Variants in TMEM164 observed in about 807,000 individuals in gnomAD.
TMEM164 encodes transmembrane protein 164, also known as RP13-360B22.2.
Under a neutral mutation model 18.8 loss-of-function variants are expected in TMEM164, and 4 were observed. The observed-to-expected ratio is 0.21, with a 90% confidence interval of 0.10 to 0.49. The LOEUF is 0.49. Ranked by LOEUF, TMEM164 falls within the 20% of genes least tolerant of loss-of-function variation. The pLI, the probability that TMEM164 is intolerant of heterozygous loss-of-function variation, is 0.98. For missense variants in TMEM164, 108 were observed against 239.9 expected, an observed-to-expected ratio of 0.45 and a Z score of 3.63; for synonymous variants, 86 against 101.7, an observed-to-expected ratio of 0.85 and a Z score of 0.93.
rs928291627 is a variant in TMEM164, at chrX:110,045,702, A to C, written c.391-21645A>C. 3.6e-5 allele frequency among the ~76,000 whole-genome samples: 4 copies of C among 112,031 alleles called. No individual in the cohort carries two copies. In the Admixed American group the frequency reaches 3.8e-4, roughly 11 times the overall value. ...AGGAAATTAGAATTGGGAAGCTGAG[A>C]GCCTAAGGCAGTTTGTAACGGAAAA... On this transcript the variant is annotated intron_variant, in intron 2 of 6. Coordinates refer to ENST00000372068, the MANE Select transcript of TMEM164 (RefSeq NM_032227.4).
chrX:110,033,703 T>TTC (rs1934627877), intron 2 of TMEM164, among the ~76,000 whole-genome samples: 1 of 111,311 alleles, frequency 9.0e-6, no homozygotes, highest in Non-Finnish European at 1.9e-5. Context: ...TGAGGGTGGG[T>TTC]AGATCTAAGG....
intron 2 of TMEM164, among the ~76,000 whole-genome samples, chrX:110,023,519 G>T (rs940125617): frequency 3.6e-5 from 4 of 110,978 alleles, no homozygotes; most frequent in African/African-American, 1.3e-4. Flanking sequence ...GAAGGTTCAG[G>T]TATAATTCAA....
rs1385935098 is a variant in TMEM164, at chrX:110,175,183, G to A, written c.*1732G>A. 8.9e-6 allele frequency: 1 copy of A among 112,807 alleles called. No homozygotes were observed. Among genetic ancestry groups the A allele is most frequent in the Non-Finnish European group, 1.9e-5 (1 of 53,254 alleles). 9.3% of individuals were successfully genotyped at this position (112,807 alleles called of 1,213,427 possible). A position where few individuals can be genotyped will look rare whatever the true frequency, so the allele number is the denominator to read the frequency against. ...CTTTTCTTAGTGCCTCTCACCTTAG[G>A]GTGGCCCTCCAGGGAAGGTGCTCCT... On this transcript the variant is annotated 3_prime_UTR_variant, in exon 7 of 7. Transcript: ENST00000372068.
chrX:110,118,716 A>T (rs1242460575), intron 4 of TMEM164, among the ~76,000 whole-genome samples: 1 of 111,083 alleles, frequency 9.0e-6, no homozygotes, highest in Non-Finnish European at 1.9e-5. Flanking sequence ...TCACTTTATG[A>T]GGCAAAATGT....
intron 2 of TMEM164, among the ~76,000 whole-genome samples, chrX:110,024,370 G>A (rs748422121): frequency 1.8e-5 from 2 of 110,399 alleles, no homozygotes; most frequent in African/African-American, 3.4e-5. Flanking sequence ...CTGTAACCTC[G>A]AACTCTTGGA....
At chrX:110,162,027 G>C in intron 5 of TMEM164, among the ~76,000 whole-genome samples, 1 of 112,732 alleles carries the variant, frequency 8.9e-6, no homozygotes, top group Non-Finnish European at 1.9e-5. Flanking sequence ...TCTGAAGTAG[G>C]GCCCAGCAAG....
At chrX:110,075,611 T>G (rs1474837585) in intron 3 of TMEM164, among the ~76,000 whole-genome samples, 2 of 111,684 alleles carry the variant, frequency 1.8e-5, no homozygotes, top group Non-Finnish European at 3.8e-5. Context: ...AGATTACTCT[T>G]ATTATTTTGA....
At position 110,003,661 on chromosome X, in the gene TMEM164, G is replaced by T; in HGVS notation, c.-114G>T. 1.2e-6 allele frequency: 1 copy of T among 866,767 alleles called. No homozygotes were observed. Among genetic ancestry groups the T allele is most frequent in the South Asian group, 2.5e-5 (1 of 39,579 alleles). The allele number at this position is 866,767 out of a possible 1,213,427, so 71.4% of individuals were successfully genotyped here. A position where few individuals can be genotyped will look rare whatever the true frequency, so the allele number is the denominator to read the frequency against. On this transcript the variant is annotated 5_prime_UTR_variant, in exon 2 of 7. Transcript: ENST00000372068. The stretch of plus-strand genomic sequence containing the variant: ...ACTCTCGGTGCCCTGGTGTCTGGAG[G>T]GGGGTTGTGGGGGTGTGCCCGCCTT...
chrX:110,009,921 A>G (rs916328934), intron 2 of TMEM164, among the ~76,000 whole-genome samples: 9 of 108,517 alleles, frequency 8.3e-5, no homozygotes, highest in South Asian at 4.1e-4. Context: ...TGAACCGAGG[A>G]GGCAGAGGTT....
At chrX:110,017,809 T>C (rs1933561781) in intron 2 of TMEM164, among the ~76,000 whole-genome samples, 1 of 109,136 alleles carries the variant, frequency 9.2e-6, no homozygotes, top group Non-Finnish European at 1.9e-5. Flanking sequence ...CCTCAGGTGA[T>C]CTGTCTGCCT....
chrX:110,147,738 G>A (rs2066878339), intron 5 of TMEM164, among the ~76,000 whole-genome samples: 1 of 110,328 alleles, frequency 9.1e-6, no homozygotes, highest in Admixed American at 9.7e-5. Context: ...TTCTTGTAAG[G>A]ACCACCCATC....
rs186526640 is a variant in TMEM164 at position 110,152,492 on chromosome X, T to C, written c.586+7616T>C. Reference sequence around the variant, plus strand: ...CTGGTATGTTTATAGTTCCTTTTATTATTATTTTTTACATTTAAGTCTTTT... The same window carrying C: ...CTGGTATGTTTATAGTTCCTTTTATCATTATTTTTTACATTTAAGTCTTTT... On this transcript the variant is annotated intron_variant, in intron 5 of 6. Transcript: ENST00000372068. 2.1e-3 allele frequency among the ~76,000 whole-genome samples: 232 copies of C among 111,871 alleles called. 3 individuals are homozygous for C. Among genetic ancestry groups the C allele is most frequent in the African/African-American group, 7.0e-3 (214 of 30,762 alleles).
chrX:110,096,439 C>T (rs1330339384), intron 3 of TMEM164, among the ~76,000 whole-genome samples: 1 of 112,881 alleles, frequency 8.9e-6, no homozygotes, highest in African/African-American at 3.2e-5. Context: ...TCTCAGACTG[C>T]TTTGCTAGCA....
At chrX:110,040,778 A>G (rs1167195522) in intron 2 of TMEM164, among the ~76,000 whole-genome samples, 2 of 111,286 alleles carry the variant, frequency 1.8e-5, no homozygotes, top group Non-Finnish European at 3.8e-5. Context: ...ACAAGTAACC[A>G]TGTCATGTTG....
chrX:110,038,239 C>T (rs1474271261), intron 2 of TMEM164, among the ~76,000 whole-genome samples: 2 of 111,024 alleles, frequency 1.8e-5, no homozygotes, highest in African/African-American at 6.6e-5. Context: ...GATCCGCCCG[C>T]CTCGGCCTCC....
chrX:110,183,239 ACCAAATAATATCAAG>A (rs2067329942), downstream of TMEM164, among the ~76,000 whole-genome samples: 1 of 112,469 alleles, frequency 8.9e-6, no homozygotes, highest in Admixed American at 9.4e-5. Context: ...TTGTAAAAGA[ACCAAATAATATCAAG>A]GCTAAGTCCC....
intron 4 of TMEM164, among the ~76,000 whole-genome samples, chrX:110,116,822 T>TTG (rs560695330): frequency 0.033 from 3,238 of 96,944 alleles, 59 homozygotes; most frequent in Non-Finnish European, 0.041. Flanking sequence ...GGCCACTCCC[T>TTG]TGTGTGTGTG....
intron 4 of TMEM164, among the ~76,000 whole-genome samples, chrX:110,113,623 C>A (rs1231026955): frequency 2.7e-5 from 3 of 111,804 alleles, no homozygotes; most frequent in Non-Finnish European, 3.8e-5. Flanking sequence ...CATACATATA[C>A]TCACATACAC....
chrX:110,092,619 T>C (rs1475638433), intron 3 of TMEM164, among the ~76,000 whole-genome samples: 2 of 112,026 alleles, frequency 1.8e-5, no homozygotes, highest in African/African-American at 6.5e-5. Context: ...GCTGAGATGA[T>C]GGGGTTTTCT....
Sources: allele counts gnomAD v4.1 joint callset (sites outside exome capture counted in the v4.1 genomes callset), GRCh38; gene constraint gnomAD v4.1.1; transcripts MANE v1.5; gene names NCBI Gene and HGNC (gene_info 2026-07-23, HGNC 2026-07-21).